The following ENTREP2 variants were observed in gnomAD, a reference collection of about 807,000 sequenced individuals.
ENTREP2 encodes protein ENTREP2.
chr15:29,162,101 G>C, the ENTREP2 span, among the ~76,000 whole-genome samples: 4 of 152,198 alleles, frequency 2.6e-5, no homozygotes, highest in African/African-American at 7.2e-5. Context: ...CTGGAGCTGA[G>C]TCAATTTAGA....
the ENTREP2 span, among the ~76,000 whole-genome samples, chr15:29,425,756 CTA>C: frequency 3.9e-5 from 6 of 152,056 alleles, no homozygotes; most frequent in African/African-American, 7.2e-5. Flanking sequence ...AATTTTAAAT[CTA>C]TGTTTGAAAT....
chr15:29,158,508 G>T, the ENTREP2 span, among the ~76,000 whole-genome samples: 1 of 150,980 alleles, frequency 6.6e-6, no homozygotes, highest in Non-Finnish European at 1.5e-5. Flanking sequence ...CGGGTTCAAG[G>T]GATTCTCCTG....
the ENTREP2 span, chr15:29,195,147 A>T: frequency 1.0e-6 from 1 of 985,354 alleles, no homozygotes; most frequent in Middle Eastern, 5.2e-4. Context: ...GGAGTGCTGC[A>T]GTTCTTGATT....
the ENTREP2 span, among the ~76,000 whole-genome samples, chr15:29,461,675 A>T: frequency 6.6e-6 from 1 of 151,910 alleles, no homozygotes; most frequent in Non-Finnish European, 1.5e-5. Context: ...GGGTTTCACT[A>T]TCTTGGCCCT....
the ENTREP2 span, among the ~76,000 whole-genome samples, chr15:29,547,119 G>A: frequency 2.7e-5 from 4 of 145,872 alleles, no homozygotes; most frequent in Admixed American, 6.9e-5. Flanking sequence ...ATGGAGTCTC[G>A]CTCTGTCACC....
At chr15:29,516,885 G>A in the ENTREP2 span, among the ~76,000 whole-genome samples, 1 of 148,620 alleles carries the variant, frequency 6.7e-6, no homozygotes, top group Non-Finnish European at 1.5e-5. Flanking sequence ...ATGTCATATT[G>A]AGGAATTTAT....
chr15:29,644,896 G>C, the ENTREP2 span, among the ~76,000 whole-genome samples: 1 of 151,508 alleles, frequency 6.6e-6, no homozygotes, highest in Admixed American at 6.6e-5. Context: ...GGGTCCCAAA[G>C]TTACTAACCC....
At chr15:29,190,174 C>T in the ENTREP2 span, among the ~76,000 whole-genome samples, 3 of 152,130 alleles carry the variant, frequency 2.0e-5, no homozygotes, top group African/African-American at 7.2e-5. Context: ...CCTGCACCAT[C>T]GGTCAATGGA....
At chr15:29,578,838 C>T in the ENTREP2 span, among the ~76,000 whole-genome samples, 2 of 152,070 alleles carry the variant, frequency 1.3e-5, no homozygotes, top group Non-Finnish European at 2.9e-5. Context: ...TTTAACACTT[C>T]TGGGATAGTA....
chr15:29,420,512 G>A, the ENTREP2 span, among the ~76,000 whole-genome samples: 8 of 152,242 alleles, frequency 5.3e-5, no homozygotes, highest in Non-Finnish European at 7.4e-5. Context: ...CCAGCTCACC[G>A]GGTATGCAAA....
chr15:29,448,657 G>A, the ENTREP2 span, among the ~76,000 whole-genome samples: 5 of 152,098 alleles, frequency 3.3e-5, no homozygotes, highest in African/African-American at 1.2e-4. Context: ...ATAATGCAGA[G>A]GCTAAATTTT....
the ENTREP2 span, among the ~76,000 whole-genome samples, chr15:29,649,908 C>T: frequency 0.16 from 24,143 of 151,952 alleles, 2,607 homozygotes; most frequent in Non-Finnish European, 0.23. Flanking sequence ...GCTTCTACCA[C>T]GGATAAGAGT....
At chr15:29,496,921 G>A in the ENTREP2 span, among the ~76,000 whole-genome samples, 11 of 152,162 alleles carry the variant, frequency 7.2e-5, no homozygotes. Flanking sequence ...CATAAAACAA[G>A]TTGGAAGATG....
the ENTREP2 span, among the ~76,000 whole-genome samples, chr15:29,161,805 A>G: frequency 1.3e-5 from 2 of 152,314 alleles, no homozygotes; most frequent in South Asian, 4.1e-4. Context: ...ACATAGGATC[A>G]TGGTGGACGG....
At chr15:29,162,654 G>A in the ENTREP2 span, among the ~76,000 whole-genome samples, 12 of 152,048 alleles carry the variant, frequency 7.9e-5, no homozygotes, top group African/African-American at 2.9e-4. Flanking sequence ...GCTGCAGCAA[G>A]ACCGGTCCAA....
the ENTREP2 span, among the ~76,000 whole-genome samples, chr15:29,554,269 C>G: frequency 6.8e-6 from 1 of 146,808 alleles, no homozygotes; most frequent in African/African-American, 2.5e-5. Flanking sequence ...GAGCCGAGAT[C>G]ACACCACTGC....
At chr15:29,542,497 G>A in the ENTREP2 span, among the ~76,000 whole-genome samples, 4 of 151,354 alleles carry the variant, frequency 2.6e-5, no homozygotes, top group Non-Finnish European at 5.9e-5. Context: ...GTAGAGACGG[G>A]GTTTCACTGT....
chr15:29,145,239 A>C, the ENTREP2 span, among the ~76,000 whole-genome samples: 1 of 152,242 alleles, frequency 6.6e-6, no homozygotes, highest in Admixed American at 6.5e-5. Context: ...GTAATTCAAC[A>C]TATTAATAGA....
At chr15:29,277,207 G>A in the ENTREP2 span, among the ~76,000 whole-genome samples, 1 of 152,214 alleles carries the variant, frequency 6.6e-6, no homozygotes, top group East Asian at 1.9e-4. Context: ...AGCCAGGCCT[G>A]GTGGCGGGTG....
Sources: gnomAD v4.1 joint callset for allele counts (sites outside exome capture counted in the v4.1 genomes callset) on GRCh38, gnomAD v4.1.1 for gene constraint, MANE v1.5 for transcripts, NCBI Gene and HGNC (gene_info 2026-07-23, HGNC 2026-07-21) for gene names.